The following CUBN variants were observed in gnomAD, a reference collection of about 807,000 sequenced individuals.
CUBN encodes the protein 460 kDa receptor.
In CUBN, 282 loss-of-function variants were observed where a neutral mutation model predicts 405.3. The ratio of observed to expected loss-of-function variants is 0.70; its 90% CI spans 0.63 to 0.77. CUBN has a LOEUF of 0.77. Ranked by LOEUF, CUBN falls within the 30% of genes least tolerant of loss-of-function variation. The pLI is 0.00. For missense variants in CUBN, 4,514 were observed against 4,475.2 expected (o/e 1.01, Z -0.25); for synonymous variants, 1,684 against 1,617.0 (o/e 1.04, Z -0.99).
intron 29 of CUBN, 59 bp from the exon 30 acceptor site, chr10:16,984,338 T>C (rs1244277013): frequency 6.6e-7 from 1 of 1,516,166 alleles, no homozygotes; most frequent in Non-Finnish European, 9.1e-7. Flanking sequence ...TACAGGCCCT[T>C]GCTCTGGCTC....
intron 55 of CUBN, among the ~76,000 whole-genome samples, chr10:16,889,077 C>T (rs946857478): frequency 1.3e-5 from 2 of 152,206 alleles, no homozygotes; most frequent in South Asian, 4.1e-4. Context: ...TTCTTACATG[C>T]ATCCCTGGTT....
intron 43 of CUBN, among the ~76,000 whole-genome samples, chr10:16,920,935 C>A (rs1045200883): frequency 6.6e-6 from 1 of 152,136 alleles, no homozygotes; most frequent in African/African-American, 2.4e-5. Context: ...ACTTCCAACT[C>A]CCCCATCTCT....
chr10:16,887,750 C>T (rs1840861913), intron 56 of CUBN, among the ~76,000 whole-genome samples: 2 of 152,266 alleles, frequency 1.3e-5, no homozygotes, highest in East Asian at 1.9e-4. Context: ...ATCAAATCAG[C>T]GTGTCCAAGA....
At chr10:16,843,928 C>T (rs1839433841) in intron 60 of CUBN, among the ~76,000 whole-genome samples, 1 of 151,908 alleles carries the variant, frequency 6.6e-6, no homozygotes, top group Non-Finnish European at 1.5e-5. Flanking sequence ...CATGAGAACC[C>T]ACGTGATGGA....
chr10:16,860,398 G>A (rs1011234363), intron 59 of CUBN, among the ~76,000 whole-genome samples: 5 of 152,050 alleles, frequency 3.3e-5, no homozygotes, highest in African/African-American at 7.2e-5. Flanking sequence ...ATTTAAAAAC[G>A]TTGTTACATA....
intron 36 of CUBN, among the ~76,000 whole-genome samples, chr10:16,941,982 A>G (rs1842663474): frequency 6.6e-6 from 1 of 152,232 alleles, no homozygotes; most frequent in Non-Finnish European, 1.5e-5. Flanking sequence ...TGAAAAAACA[A>G]CCAAATTAAA....
intron 33 of CUBN, among the ~76,000 whole-genome samples, chr10:16,950,739 A>G (rs1842902973): frequency 6.6e-6 from 1 of 152,024 alleles, no homozygotes; most frequent in East Asian, 1.9e-4. Context: ...AAATAAGAGG[A>G]CTCCTGGGTA....
Position 17,065,639 on chromosome 10 carries a change from C to T in CUBN, c.3009-1G>A. 3 of 1,613,166 alleles carry T rather than the reference C, an allele frequency of 1.9e-6. No individual in the cohort carries two copies. Among genetic ancestry groups the T allele is most frequent in the Non-Finnish European group, 2.5e-6 (3 of 1,179,314 alleles). ...TGGCGGGATCGACTTTCCACAGTAT[C>T]TATTCCAAACCAAGAAAGGACAGAT... is the stretch of plus-strand genomic sequence containing the variant. On this transcript the variant is annotated splice_acceptor_variant, in intron 21 of 66. Coordinates refer to ENST00000377833, the MANE Select transcript of CUBN (RefSeq NM_001081.4). LOFTEE classifies it high-confidence loss of function.
chr10:16,838,715 G>C (rs921446339), intron 62 of CUBN, among the ~76,000 whole-genome samples: 1 of 152,182 alleles, frequency 6.6e-6, no homozygotes, highest in Non-Finnish European at 1.5e-5. Context: ...CGCGATCTTG[G>C]CTCACTGCAA....
At chr10:16,963,196 C>CTTTTTTTTTTTTTTTTTTTTTT (rs200023246) in intron 31 of CUBN, among the ~76,000 whole-genome samples, 1 of 83,976 alleles carries the variant, frequency 1.2e-5, no homozygotes, top group Non-Finnish European at 2.3e-5. Flanking sequence ...TCTTTTTTTT[C>CTTTTTTTTTTTTTTTTTTTTTT]TTTTTTTTTT....
chr10:16,969,575 A>C (rs1444215888), intron 31 of CUBN, among the ~76,000 whole-genome samples: 4 of 152,116 alleles, frequency 2.6e-5, no homozygotes, highest in African/African-American at 9.7e-5. Flanking sequence ...GGATGGTCTC[A>C]ATCTCTAGAC....
At chr10:16,933,007 A>G in intron 40 of CUBN, 80 bp downstream of exon 40, 1 of 1,407,122 alleles carries the variant, frequency 7.1e-7, no homozygotes, top group Non-Finnish European at 1.0e-6. Flanking sequence ...GGATGGAGGC[A>G]GTATGCAAGT....
intron 31 of CUBN, among the ~76,000 whole-genome samples, chr10:16,957,797 G>A (rs1017173391): frequency 4.0e-5 from 6 of 151,492 alleles, no homozygotes; most frequent in Non-Finnish European, 7.4e-5. Context: ...TGAAGCACTA[G>A]TCACAATAGC....
At chr10:17,021,783 T>G (rs1334405267) in intron 27 of CUBN, among the ~76,000 whole-genome samples, 2 of 85,556 alleles carry the variant, frequency 2.3e-5, no homozygotes, top group Non-Finnish European at 4.6e-5. Flanking sequence ...AGTCTGCCTT[T>G]GAAAGCCCTT....
intron 27 of CUBN, among the ~76,000 whole-genome samples, chr10:17,037,060 G>C (rs1371374371): frequency 6.6e-6 from 1 of 152,066 alleles, no homozygotes; most frequent in Non-Finnish European, 1.5e-5. Context: ...TATAATACAG[G>C]GTTGCTGTGA....
At position 16,898,660 on chromosome 10, in the gene CUBN, C is replaced by T. The variant is rs114907958; in HGVS notation, c.8598+336G>A. Among the ~76,000 whole-genome samples, 891 of 152,202 alleles carry T rather than the reference C, an allele frequency of 5.9e-3. 7 individuals carry two copies. Among genetic ancestry groups the T allele is most frequent in the African/African-American group, 0.018 (755 of 41,524 alleles). ...CCATCATTTTTACATGGCTTTCTCA[C>T]GGTTTTTTCAGACTGTGGGGTCTTA... On this transcript the variant is annotated intron_variant, in intron 54 of 66. Transcript: ENST00000377833.
At chr10:17,016,589 T>G (rs942667933) in intron 28 of CUBN, among the ~76,000 whole-genome samples, 1 of 152,176 alleles carries the variant, frequency 6.6e-6, no homozygotes, top group Non-Finnish European at 1.5e-5. Context: ...CAGGTCTGCG[T>G]TGATCTGCTT....
intron 36 of CUBN, among the ~76,000 whole-genome samples, chr10:16,943,181 A>G (rs529127688): frequency 2.0e-5 from 3 of 152,310 alleles, no homozygotes; most frequent in African/African-American, 7.2e-5. Context: ...GCTCTAACCT[A>G]GCTCTCAAGC....
chr10:17,105,473 AGAC>A lies in CUBN; in HGVS notation c.1211_1213del (p.Cys404del). ...AGGACTCACGATGCATTGTCCATTT[AGAC>A]AGGGGTGACTTAGGCAAATATTACT... is the stretch of plus-strand genomic sequence containing the variant. On this transcript the variant is annotated inframe_deletion, in exon 11 of 67. Coordinates refer to ENST00000377833, the MANE Select transcript of CUBN (RefSeq NM_001081.4). 1.3e-6 allele frequency: 2 copies of A among 1,593,350 alleles called. No homozygotes were observed. The highest frequency in any genetic ancestry group is 1.7e-6 in the Non-Finnish European group (2 of 1,160,650).
Sources: gnomAD v4.1 joint callset for allele counts (sites outside exome capture counted in the v4.1 genomes callset) on GRCh38, gnomAD v4.1.1 for gene constraint, MANE v1.5 for transcripts, NCBI Gene and HGNC (gene_info 2026-07-23, HGNC 2026-07-21) for gene names.